Variants in SETDB2 observed in about 807,000 individuals in gnomAD.
SETDB2 encodes the protein SET domain bifurcated histone lysine methyltransferase 2.
Under a neutral mutation model 82.5 loss-of-function variants are expected in SETDB2, and 56 were observed. That is an observed-to-expected ratio of 0.68 (90% CI 0.55 to 0.85). The LOEUF (loss-of-function observed/expected upper bound fraction) is 0.85. Among genes scored for constraint, SETDB2 ranks in the 40% least tolerant of loss-of-function variants. The probability of loss-of-function intolerance (pLI) is 0.00; values close to 1 mark genes in which losing one functional copy is unlikely to be tolerated. For missense variants in SETDB2, 677 were observed against 816.4 expected, an observed-to-expected ratio of 0.83 and a Z score of 2.08; for synonymous variants, 272 against 284.9, an observed-to-expected ratio of 0.95 and a Z score of 0.46.
chr13:49,490,176 A>C (rs1038576013), intron 12 of SETDB2, among the ~76,000 whole-genome samples: 4 of 147,050 alleles, frequency 2.7e-5, no homozygotes, highest in African/African-American at 1.0e-4. Context: ...GCTACTTGGG[A>C]GGCTGAGGCA....
chr13:49,464,460 CACTT>C (rs1958060898), intron 4 of SETDB2, among the ~76,000 whole-genome samples: 1 of 152,164 alleles, frequency 6.6e-6, no homozygotes, highest in Admixed American at 6.5e-5. Context: ...CTTTTAACCT[CACTT>C]GTTACCAAGA....
chr13:49,488,447 G>A lies in SETDB2; in HGVS notation c.1734G>A (p.Glu578=). 1.9e-6 allele frequency: 3 copies of A among 1,614,096 alleles called. No homozygotes were observed. The South Asian group carries it at 3.3e-5, about 18-fold the overall frequency. ...LDNQNIKKAI[E]VQIQKPQEGR... ...ATCAGAATATTAAAAAGGCAATTGA[G>A]GTTCAAATTCAGAAACCCCAAGAGG... The change falls in exon 12 of 14, where the codon GAG becomes GAA. Residue 578 remains glutamate, a synonymous_variant. Transcript: ENST00000611815.
chr13:49,449,035 T>G (rs1957742005), intron 1 of SETDB2, among the ~76,000 whole-genome samples: 1 of 152,240 alleles, frequency 6.6e-6, no homozygotes, highest in Admixed American at 6.5e-5. Context: ...ATTGCAGATG[T>G]CTTTTTCCAG....
Position 49,491,760 on chromosome 13 carries a change from T to C in SETDB2, c.2035T>C (p.Trp679Arg). Reference sequence around the variant, plus strand: ...TGTGAAAGCAAGAACAGAGCTAACATGGGATTATGGCTATGAAGCTGGGAC... The same window carrying C: ...TGTGAAAGCAAGAACAGAGCTAACACGGGATTATGGCTATGAAGCTGGGAC... ...RYVKARTELT[W>R]DYGYEAGTVP... The change falls in exon 14 of 14, where the codon TGG becomes CGG. Residue 679 changes from tryptophan to arginine, a missense_variant. By Grantham distance (101) the Trp-to-Arg change is moderately radical. Transcript: ENST00000611815. 6.2e-7 allele frequency: 1 copy of C among 1,612,664 alleles called. No homozygotes were observed. The highest frequency in any genetic ancestry group is 8.5e-7 in the Non-Finnish European group (1 of 1,179,572).
chr13:49,465,596 G>A (rs1958090371), intron 4 of SETDB2, among the ~76,000 whole-genome samples: 1 of 151,968 alleles, frequency 6.6e-6, no homozygotes, highest in African/African-American at 2.4e-5. Context: ...GAGTACAATG[G>A]CACGATCTTT....
intron 4 of SETDB2, among the ~76,000 whole-genome samples, chr13:49,461,489 A>G (rs1463416345): frequency 1.3e-5 from 2 of 152,246 alleles, no homozygotes; most frequent in African/African-American, 4.8e-5. Flanking sequence ...GTGAAGAACA[A>G]TACTTGAAAG....
At chr13:49,454,813 A>G (rs982992186) in intron 2 of SETDB2, among the ~76,000 whole-genome samples, 3 of 152,164 alleles carry the variant, frequency 2.0e-5, no homozygotes, top group Non-Finnish European at 4.4e-5. Flanking sequence ...ATGGATTGTT[A>G]TACAGATCAT....
At chr13:49,470,226 CTT>C (rs1958199739) in intron 5 of SETDB2, among the ~76,000 whole-genome samples, 2 of 152,120 alleles carry the variant, frequency 1.3e-5, no homozygotes, top group Non-Finnish European at 2.9e-5. Context: ...TCCCATCTCT[CTT>C]GTACTGTGTT....
chr13:49,461,112 T>C lies in SETDB2; in HGVS notation c.158T>C (p.Met53Thr). ...SATNKEYIQA[M>T]ILVNEATIIN... is the part of the protein sequence containing the mutation. ...TCTTTAACAGAATACATCCAAGCAATGATTCTAGTGAATGAAGCAACTATA... is the reference window on the plus strand; with the variant it reads ...TCTTTAACAGAATACATCCAAGCAACGATTCTAGTGAATGAAGCAACTATA... Residue 53 changes from methionine (M) to threonine (T), a missense_variant, in exon 4 of 14, where the codon ATG becomes ACG. Physicochemically the swap from Met to Thr is moderately conservative, Grantham distance 81. Transcript: ENST00000611815. 1 of 1,611,826 alleles carries C rather than the reference T, an allele frequency of 6.2e-7. No homozygotes were observed. The highest frequency in any genetic ancestry group is 8.5e-7 in the Non-Finnish European group (1 of 1,178,318).
chr13:49,468,012 C>A, intron 5 of SETDB2, 52 bp downstream of exon 5: 1 of 1,297,224 alleles, frequency 7.7e-7, no homozygotes, highest in South Asian at 1.5e-5. Context: ...CAGATTTCTT[C>A]TTTATAAATC....
intron 13 of SETDB2, among the ~76,000 whole-genome samples, chr13:49,491,394 G>A (rs1958710857): frequency 6.6e-6 from 1 of 152,112 alleles, no homozygotes; most frequent in Non-Finnish European, 1.5e-5. Flanking sequence ...GTTCCACTCG[G>A]GATAAATGAT....
intron 5 of SETDB2, among the ~76,000 whole-genome samples, chr13:49,475,223 C>CGAA (rs2138933978): frequency 6.6e-6 from 1 of 152,256 alleles, no homozygotes; most frequent in African/African-American, 2.4e-5. Flanking sequence ...GACTTATTCA[C>CGAA]TATCACGAGA....
intron 4 of SETDB2, among the ~76,000 whole-genome samples, chr13:49,462,069 C>T (rs149917634): frequency 2.0e-4 from 30 of 152,318 alleles, no homozygotes; most frequent in African/African-American, 7.0e-4. Flanking sequence ...GTGTACCACC[C>T]TCCCAGTATG....
intron 2 of SETDB2, among the ~76,000 whole-genome samples, chr13:49,453,361 A>G (rs891999703): frequency 1.3e-5 from 2 of 151,562 alleles, no homozygotes; most frequent in African/African-American, 2.4e-5. Flanking sequence ...CAGCAGCGCA[A>G]TCTTGGCTCA....
At chr13:49,477,716 T>C (rs1958398039) in intron 6 of SETDB2, among the ~76,000 whole-genome samples, 1 of 152,212 alleles carries the variant, frequency 6.6e-6, no homozygotes, top group African/African-American at 2.4e-5. Flanking sequence ...CTCAGTGTTA[T>C]ACATGAGGAA....
intron 2 of SETDB2, among the ~76,000 whole-genome samples, chr13:49,454,653 C>T (rs1331283509): frequency 1.3e-5 from 2 of 152,148 alleles, no homozygotes; most frequent in Admixed American, 6.5e-5. Flanking sequence ...AGATCCCTGA[C>T]GTCCTAAATG....
At chr13:49,470,743 G>A (rs1594156163) in intron 5 of SETDB2, among the ~76,000 whole-genome samples, 1 of 152,090 alleles carries the variant, frequency 6.6e-6, no homozygotes. Context: ...CAGCTACTTG[G>A]GAGGCTGAGG....
intron 5 of SETDB2, among the ~76,000 whole-genome samples, chr13:49,472,132 T>C (rs1958263340): frequency 6.6e-6 from 1 of 151,950 alleles, no homozygotes; most frequent in East Asian, 1.9e-4. Flanking sequence ...CCAGTATGTA[T>C]ACAAGACCCA....
At position 49,476,607 on chromosome 13, in the gene SETDB2, A is replaced by G; in HGVS notation, c.437A>G (p.Asn146Ser). Reference protein sequence around the residue: ...SGACLMKMPLNLKGENPLQLP... With the variant: ...SGACLMKMPLSLKGENPLQLP... Reference sequence around the variant, plus strand: ...GCTTGTCTGATGAAAATGCCACTGAACTTGAAGGGAGAAAACCCTCTGCAG... The same window carrying G: ...GCTTGTCTGATGAAAATGCCACTGAGCTTGAAGGGAGAAAACCCTCTGCAG... The change falls in exon 6 of 14, where the codon AAC (asparagine) becomes AGC (serine). Residue 146 changes from asparagine to serine, a missense_variant. Physicochemically the swap from Asn to Ser is conservative, Grantham distance 46 (BLOSUM62 1). Around this residue, in one of 3 missense-constraint regions of SETDB2, gnomAD observed 243 missense variants for 237.2 expected, o/e 1.02. Transcript: ENST00000611815. The G allele has an allele frequency of 6.2e-7, 1 of 1,614,178 alleles. No homozygotes were observed. Among genetic ancestry groups the G allele is most frequent in the Non-Finnish European group, 8.5e-7 (1 of 1,180,026 alleles).
Sources: allele counts gnomAD v4.1 joint callset (sites outside exome capture counted in the v4.1 genomes callset), GRCh38; gene constraint gnomAD v4.1.1; regional missense constraint gnomAD v4.1.1; transcripts MANE v1.5; gene names NCBI Gene and HGNC (gene_info 2026-07-23, HGNC 2026-07-21).